Variants in ZBTB7C observed in about 807,000 individuals in gnomAD.
ZBTB7C encodes zinc finger and BTB domain containing 7C.
A neutral mutation model predicts 25.7 loss-of-function variants in ZBTB7C; 8 were observed. That is an observed-to-expected ratio of 0.31 (90% CI 0.18 to 0.56). ZBTB7C has a LOEUF of 0.56. Among genes scored for constraint, ZBTB7C ranks in the 20% least tolerant of loss-of-function variants. ZBTB7C has a pLI of 0.91. For synonymous variants in ZBTB7C, 394 were observed against 369.0 expected, an observed-to-expected ratio of 1.07 and a Z score of -0.78; for missense variants, 824 against 855.2, an observed-to-expected ratio of 0.96 and a Z score of 0.46.
At chr18:48,054,284 G>C (rs1284348582) in intron 3 of ZBTB7C, among the ~76,000 whole-genome samples, 1 of 152,140 alleles carries the variant, frequency 6.6e-6, no homozygotes, top group Non-Finnish European at 1.5e-5. Context: ...GGGAAGGGCG[G>C]CCGGAACCAG....
chr18:48,161,838 C>T (rs999169489), intron 3 of ZBTB7C, among the ~76,000 whole-genome samples: 1 of 151,872 alleles, frequency 6.6e-6, no homozygotes, highest in Admixed American at 6.6e-5. Context: ...GGAGCCATCG[C>T]CCTCCTCCCG....
rs536291841 is a variant in ZBTB7C, at chr18:48,200,592, A to T, written c.-78-14597T>A. On this transcript the variant is annotated intron_variant, in intron 2 of 4. Coordinates refer to ENST00000590800, the MANE Select transcript of ZBTB7C (RefSeq NM_001318841.2). ...TCATAAATAATATGAAAATCCACCT[A>T]GTCATGAGGATAGAGTTTTCTAGCA... Among the ~76,000 whole-genome samples the T allele has an allele frequency of 1.1e-4, 17 of 152,276 alleles. No homozygotes were observed. The East Asian group carries it at 2.9e-3, about 26-fold the overall frequency.
rs775753682 is a variant in ZBTB7C, at chr18:48,029,666, G to A, written c.1454C>T (p.Ala485Val). The A allele has an allele frequency of 1.9e-6, 3 of 1,564,982 alleles. No individual in the cohort carries two copies. The change falls in exon 5 of 5, where the codon GCG becomes GTG. Residue 485 changes from alanine to valine, a missense_variant. Physicochemically the swap from Ala to Val is moderately conservative, Grantham distance 64. Around this residue, in one of 4 missense-constraint regions of ZBTB7C, gnomAD observed 342 missense variants for 307.0 expected, o/e 1.11. Coordinates refer to ENST00000590800, the MANE Select transcript of ZBTB7C (RefSeq NM_001318841.2). ...GAAGAGCAGGCTGGCGGCCCTCCACGCAGCAGGCTTGCGGCCGCGTCGGGG... is the reference window on the plus strand; with the variant it reads ...GAAGAGCAGGCTGGCGGCCCTCCACACAGCAGGCTTGCGGCCGCGTCGGGG... ...ARPRRGRKPA[A>V]WRAASLLFGP...
intron 2 of ZBTB7C, among the ~76,000 whole-genome samples, chr18:48,268,947 T>A (rs2044391782): frequency 6.7e-6 from 1 of 149,832 alleles, no homozygotes; most frequent in Non-Finnish European, 1.5e-5. Context: ...TAGTAAGGGC[T>A]TGCTCTGTTT....
At position 48,040,470 on chromosome 18, in the gene ZBTB7C, G is replaced by A. The variant is rs145074185; in HGVS notation, c.638C>T (p.Ala213Val). ...TPRDFPDSFQ[A>V]GSPGHLGVIR... ...CACCCCCAGATGGCCAGGACTGCCAGCCTGGAAGGAGTCAGGGAAGTCCCT... is the reference window on the plus strand; with the variant it reads ...CACCCCCAGATGGCCAGGACTGCCAACCTGGAAGGAGTCAGGGAAGTCCCT... The change falls in exon 4 of 5, where the codon GCT becomes GTT. Residue 213 changes from alanine (A) to valine (V), a missense_variant. By Grantham distance (64) the Ala-to-Val change is moderately conservative. Transcript: ENST00000590800. 1 of 1,609,092 alleles carries A rather than the reference G, an allele frequency of 6.2e-7. No homozygotes were observed.
At chr18:48,233,554 C>A (rs2043307850) in intron 2 of ZBTB7C, among the ~76,000 whole-genome samples, 1 of 152,180 alleles carries the variant, frequency 6.6e-6, no homozygotes. Context: ...ACATTACTGC[C>A]CCTGTTCTAG....
intron 2 of ZBTB7C, among the ~76,000 whole-genome samples, chr18:48,281,014 C>T (rs567675802): frequency 6.6e-6 from 1 of 151,978 alleles, no homozygotes; most frequent in Non-Finnish European, 1.5e-5. Context: ...CCACCATGCC[C>T]AGCTAATTTT....
chr18:48,173,734 C>A (rs2041574092), intron 3 of ZBTB7C, among the ~76,000 whole-genome samples: 1 of 152,232 alleles, frequency 6.6e-6, no homozygotes, highest in African/African-American at 2.4e-5. Context: ...TCATCCTTGT[C>A]CTGGCCCTGC....
rs568326993 is a variant in ZBTB7C, at chr18:48,284,243, C to T, written c.-79+53931G>A. Among the ~76,000 whole-genome samples, 6 of 152,192 alleles carry T rather than the reference C, an allele frequency of 3.9e-5. No individual in the cohort carries two copies. The South Asian group carries it at 8.3e-4, about 21-fold the overall frequency. ...GCCAAGGCAGGAGGACTGCTGAGTTCGAGACCAGCTTGAGCAATATAGATC... is the reference window on the plus strand; with the variant it reads ...GCCAAGGCAGGAGGACTGCTGAGTTTGAGACCAGCTTGAGCAATATAGATC... On this transcript the variant is annotated intron_variant, in intron 2 of 4. Coordinates refer to ENST00000590800, the MANE Select transcript of ZBTB7C (RefSeq NM_001318841.2).
intron 3 of ZBTB7C, among the ~76,000 whole-genome samples, chr18:48,077,506 G>A (rs1265223675): frequency 1.3e-5 from 2 of 152,196 alleles, no homozygotes; most frequent in African/African-American, 4.8e-5. Context: ...CCAACTTGGC[G>A]AGTCTGAGCC....
intron 3 of ZBTB7C, among the ~76,000 whole-genome samples, chr18:48,083,622 CTGGGA>C (rs1430828377): frequency 1.4e-4 from 22 of 152,290 alleles, no homozygotes; most frequent in Admixed American, 8.5e-4. Context: ...AGGCCATTTG[CTGGGA>C]CATGGAAATC....
intron 2 of ZBTB7C, among the ~76,000 whole-genome samples, chr18:48,234,909 T>C (rs951869984): frequency 1.4e-4 from 21 of 152,198 alleles, no homozygotes; most frequent in Admixed American, 3.9e-4. Context: ...TCCTAGAGAA[T>C]TGAAAATTTA....
chr18:48,294,880 CCT>C (rs1484256121), intron 2 of ZBTB7C, among the ~76,000 whole-genome samples: 1 of 152,178 alleles, frequency 6.6e-6, no homozygotes, highest in East Asian at 1.9e-4. Flanking sequence ...CACTTGGCCT[CCT>C]CTTTTTCATT....
intron 2 of ZBTB7C, among the ~76,000 whole-genome samples, chr18:48,322,565 G>A (rs7238889): frequency 3.9e-5 from 6 of 152,238 alleles, no homozygotes; most frequent in East Asian, 3.9e-4. Context: ...GCGTGGATGC[G>A]ATAAAAAGGG....
intron 2 of ZBTB7C, among the ~76,000 whole-genome samples, chr18:48,260,651 G>A (rs2044146142): frequency 6.6e-6 from 1 of 152,206 alleles, no homozygotes; most frequent in African/African-American, 2.4e-5. Context: ...CAGGGAGATG[G>A]TCTATGCATC....
chr18:48,299,576 G>A (rs1286500119), intron 2 of ZBTB7C, among the ~76,000 whole-genome samples: 3 of 152,218 alleles, frequency 2.0e-5, no homozygotes, highest in Admixed American at 1.3e-4. Context: ...CAAGGCATGG[G>A]AGACACAGGG....
At chr18:48,243,534 C>A (rs1282620007) in intron 2 of ZBTB7C, among the ~76,000 whole-genome samples, 5 of 152,032 alleles carry the variant, frequency 3.3e-5, no homozygotes, top group Non-Finnish European at 7.4e-5. Context: ...ACAACACAAA[C>A]AAATGGAAAA....
At chr18:48,174,584 A>G (rs1443072703) in intron 3 of ZBTB7C, among the ~76,000 whole-genome samples, 1 of 152,250 alleles carries the variant, frequency 6.6e-6, no homozygotes, top group African/African-American at 2.4e-5. Context: ...ACACACATGC[A>G]CAAGCATTGT....
intron 3 of ZBTB7C, among the ~76,000 whole-genome samples, chr18:48,049,801 A>G (rs1598779417): frequency 6.6e-6 from 1 of 152,084 alleles, no homozygotes; most frequent in South Asian, 2.1e-4. Context: ...GTGCAATTCT[A>G]TTGCTATGAT....
Sources: gnomAD v4.1 joint callset for allele counts (sites outside exome capture counted in the v4.1 genomes callset) on GRCh38, gnomAD v4.1.1 for gene constraint, gnomAD v4.1.1 regional missense constraint, MANE v1.5 for transcripts, NCBI Gene and HGNC (gene_info 2026-07-23, HGNC 2026-07-21) for gene names.